Variants in CR1 observed in about 807,000 individuals in gnomAD.
The protein encoded by CR1 is complement receptor type 1.
A neutral mutation model predicts 187.3 loss-of-function variants in CR1; 116 were observed. The ratio of observed to expected loss-of-function variants is 0.62; its 90% CI spans 0.53 to 0.72. The LOEUF is 0.72. CR1 is among the 30% of genes least tolerant of loss of function. The probability of loss-of-function intolerance (pLI) is 0.00; values close to 1 mark genes in which losing one functional copy is unlikely to be tolerated. For missense variants in CR1, 1,731 were observed against 2,110.7 expected (o/e 0.82, Z 3.52); for synonymous variants, 576 against 747.1 (o/e 0.77, Z 3.73).
intron 13 of CR1, among the ~76,000 whole-genome samples, chr1:207,544,733 C>T (rs1660262781): frequency 6.7e-6 from 1 of 148,344 alleles, no homozygotes. Context: ...TAGGCAGCAC[C>T]TTGCTACATA....
Position 207,575,202 on chromosome 1 carries a change from T to TACACACACACAC in CR1, c.4452-373_4452-362dup, listed in dbSNP as rs56173301. On this transcript the variant is annotated intron_variant, in intron 27 of 46. Transcript: ENST00000367049. ...TCTCAAGTAAAATGACATAGTATTATACACACACACACACACACACACACA... is the reference window on the plus strand; with the variant it reads ...TCTCAAGTAAAATGACATAGTATTATACACACACACACACACACACACACACACACACACACA... Among the ~76,000 whole-genome samples the TACACACACACAC allele has an allele frequency of 6.8e-4, 101 of 149,440 alleles. 4 individuals are homozygous for TACACACACACAC. In the South Asian group the frequency reaches 0.016, roughly 24 times the overall value.
rs901815410 is a variant in CR1 at position 207,599,425 on chromosome 1, C to CA, written c.5811-7817dup. On this transcript the variant is annotated intron_variant, in intron 35 of 46. Coordinates refer to ENST00000367049, the MANE Select transcript of CR1 (RefSeq NM_000651.6). ...TTGGAATGTGAATTGCTGCAGCTTT[C>CA]AAAAAAAAATCTTACACTATCCACA... 3.1e-4 allele frequency among the ~76,000 whole-genome samples: 47 copies of CA among 150,884 alleles called. 1 individual carries two copies. The highest frequency in any genetic ancestry group is 3.4e-3 in the Middle Eastern group (1 of 292).
At chr1:207,638,853 A>AT (rs964471250) in intron 46 of CR1, among the ~76,000 whole-genome samples, 2 of 152,090 alleles carry the variant, frequency 1.3e-5, no homozygotes, top group African/African-American at 4.8e-5. Flanking sequence ...CCCTGTGGAG[A>AT]TTTTTTGTGG....
At chr1:207,577,158 G>A (rs1279396722) in intron 28 of CR1, among the ~76,000 whole-genome samples, 1 of 151,926 alleles carries the variant, frequency 6.6e-6, no homozygotes, top group African/African-American at 2.4e-5. Context: ...GGCTGAGGCA[G>A]GAAAATCGCT....
chr1:207,502,903 C>T (rs928221092), intron 1 of CR1, among the ~76,000 whole-genome samples: 8 of 152,106 alleles, frequency 5.3e-5, no homozygotes, highest in Non-Finnish European at 7.3e-5. Context: ...AGGCTGAATC[C>T]GGGGCACATT....
chr1:207,511,680 T>G, intron 4 of CR1, 26 bp downstream of exon 4: 1 of 1,596,092 alleles, frequency 6.3e-7, no homozygotes, highest in South Asian at 1.1e-5. Flanking sequence ...CCTTCCTATT[T>G]CTTTTACCGA....
At chr1:207,631,538 T>C (rs17186848) in intron 46 of CR1, among the ~76,000 whole-genome samples, 71,547 of 151,936 alleles carry the variant, frequency 0.47, 18,835 homozygotes, top group Non-Finnish European at 0.6. Flanking sequence ...CACTGGCTAG[T>C]TCCCCTTTTA....
chr1:207,505,339 A>G (rs1337167424), intron 1 of CR1, among the ~76,000 whole-genome samples: 1 of 151,268 alleles, frequency 6.6e-6, no homozygotes, highest in Non-Finnish European at 1.5e-5. Context: ...AACTTTTTGT[A>G]TTTTGGGAGA....
Position 207,580,367 on chromosome 1 carries a change from G to A in CR1, c.5064G>A (p.Leu1688=). 4.3e-6 allele frequency: 7 copies of A among 1,613,968 alleles called. No individual in the cohort carries two copies. Among genetic ancestry groups the A allele is most frequent in the Non-Finnish European group, 5.9e-6 (7 of 1,179,874 alleles). The part of the protein sequence containing the change: ...PGYDLRGAAS[L]HCTPQGDWSP... ...ATGACCTCAGAGGGGCTGCGTCTCT[G>A]CACTGCACACCCCAGGGAGACTGGA... The change falls in exon 30 of 47, where the codon CTG becomes CTA. Residue 1688 remains leucine, a synonymous_variant. Coordinates refer to ENST00000367049, the MANE Select transcript of CR1 (RefSeq NM_000651.6).
Position 207,630,603 on chromosome 1 carries a change from CA to C in CR1, c.7442del (p.Asn2481MetfsTer16). On this transcript the variant is annotated frameshift_variant, in exon 46 of 47. Coordinates refer to ENST00000367049, the MANE Select transcript of CR1 (RefSeq NM_000651.6). LOFTEE classifies it high-confidence loss of function. ...AGCGTTCATCCCCGAACTCTGCAAA[CA>C]AATGAAGAAAATAGCAGGTACCTAT... ...GSSVHPRTLQTNEENSRVLP is the reference protein window; with the variant it reads ...GSSVHPRTLQXNEENSRVLP The C allele has an allele frequency of 6.2e-7, 1 of 1,602,166 alleles. No individual in the cohort carries two copies. Among genetic ancestry groups the C allele is most frequent in the East Asian group, 2.2e-5 (1 of 44,648 alleles).
intron 36 of CR1, among the ~76,000 whole-genome samples, chr1:207,608,774 A>G (rs1296904686): frequency 6.6e-6 from 1 of 152,210 alleles, no homozygotes; most frequent in Non-Finnish European, 1.5e-5. Context: ...ATATGTGTGT[A>G]GTCACTTAGC....
At chr1:207,588,648 A>C (rs745666712) in intron 34 of CR1, 27 bp from the exon 35 acceptor site, 5 of 1,503,136 alleles carry the variant, frequency 3.3e-6, no homozygotes, top group Non-Finnish European at 4.6e-6. Context: ...CTCTATATTT[A>C]ATCCCAAATT....
At chr1:207,635,931 G>A (rs906943008) in intron 46 of CR1, among the ~76,000 whole-genome samples, 6 of 152,116 alleles carry the variant, frequency 3.9e-5, no homozygotes, top group Non-Finnish European at 7.4e-5. Context: ...CATGTTTCAG[G>A]AAGCACAGGG....
intron 4 of CR1, among the ~76,000 whole-genome samples, chr1:207,519,532 A>G (rs1659909130): frequency 6.6e-6 from 1 of 152,204 alleles, no homozygotes; most frequent in African/African-American, 2.4e-5. Flanking sequence ...CTAAAATTGT[A>G]CTTTTACCAC....
intron 1 of CR1, among the ~76,000 whole-genome samples, chr1:207,502,915 A>T (rs1205942965): frequency 6.6e-6 from 1 of 152,150 alleles, no homozygotes; most frequent in Non-Finnish European, 1.5e-5. Flanking sequence ...GGGCACATTC[A>T]CTCAGGAGAG....
chr1:207,617,483 GTATATA>G (rs767996719), intron 41 of CR1, among the ~76,000 whole-genome samples: 526 of 41,754 alleles, frequency 0.013, 36 homozygotes, highest in African/African-American at 0.017. Flanking sequence ...AGAACTTAAA[GTATATA>G]TATATATATA....
Position 207,611,726 on chromosome 1 carries a change from T to C in CR1, c.6345T>C (p.His2115=), listed in dbSNP as rs1445837706. Reference sequence around the variant, plus strand: ...TGCATGGTGAGCATACCCTAAGCCATCAGGACAACTTTTCACCTGGGCAGG... The same window carrying C: ...TGCATGGTGAGCATACCCTAAGCCACCAGGACAACTTTTCACCTGGGCAGG... ...EILHGEHTLS[H]QDNFSPGQEV... The change falls in exon 38 of 47, where the codon CAT becomes CAC. Residue 2115 remains histidine (H), a synonymous_variant. Coordinates refer to ENST00000367049, the MANE Select transcript of CR1 (RefSeq NM_000651.6). The C allele has an allele frequency of 1.2e-6, 2 of 1,613,918 alleles. No individual in the cohort carries two copies. The highest frequency in any genetic ancestry group is 8.5e-7 in the Non-Finnish European group (1 of 1,179,874).
chr1:207,521,039 A>C lies in CR1; in HGVS notation c.488-2572A>C, dbSNP rs1157328343. The stretch of plus-strand genomic sequence containing the variant: ...ACCTGGGCTGGAGTGCAGTGGTGGG[A>C]TATCTCGGCTCACTGCAACCTCCGC... On this transcript the variant is annotated intron_variant, in intron 4 of 46. Coordinates refer to ENST00000367049, the MANE Select transcript of CR1 (RefSeq NM_000651.6). Among the ~76,000 whole-genome samples the C allele has an allele frequency of 2.5e-5, 3 of 121,454 alleles. 1 individual carries two copies. Among genetic ancestry groups the C allele is most frequent in the Non-Finnish European group, 4.7e-5 (3 of 63,362 alleles). 79.7% of individuals were successfully genotyped at this position (121,454 alleles called of 152,430 possible). A position where few individuals can be genotyped will look rare whatever the true frequency, so the allele number is the denominator to read the frequency against.
In CR1 at chr1:207,616,621, AG is replaced by A. The variant is rs1462817306; in HGVS notation, c.6710del (p.Gly2237GlufsTer25). On this transcript the variant is annotated frameshift_variant, in exon 41 of 47. Transcript: ENST00000367049. LOFTEE classifies it high-confidence loss of function. ...PPAILNGRHTGTPFGDIPYGK... is the reference protein window; with the variant it reads ...PPAILNGRHTXTPFGDIPYGK... ...CAGCTATCCTTAATGGGAGACACAC[AG>A]GAACTCCCTTTGGAGATATTCCCTA... 6.2e-7 allele frequency: 1 copy of A among 1,613,768 alleles called. No individual in the cohort carries two copies. The highest frequency in any genetic ancestry group is 1.7e-5 in the Admixed American group (1 of 60,008).
Sources: allele counts gnomAD v4.1 joint callset (sites outside exome capture counted in the v4.1 genomes callset), GRCh38; gene constraint gnomAD v4.1.1; transcripts MANE v1.5; gene names NCBI Gene and HGNC (gene_info 2026-07-23, HGNC 2026-07-21).